Variants in CCDC12 observed in about 807,000 individuals in gnomAD.
CCDC12 encodes the protein coiled-coil domain containing 12, also known as coiled-coil domain-containing protein 12.
A neutral mutation model predicts 25.7 loss-of-function variants in CCDC12; 28 were observed. That is an observed-to-expected ratio of 1.09 (90% confidence interval 0.81 to 1.50). The LOEUF (loss-of-function observed/expected upper bound fraction) is 1.50, where lower values mean the gene tolerates loss of function less well. CCDC12 is among the 40% of genes most tolerant of loss of function. The probability of loss-of-function intolerance (pLI) is 0.00; values close to 1 mark genes in which losing one functional copy is unlikely to be tolerated. For missense variants in CCDC12, 198 were observed against 210.0 expected (o/e 0.94, Z 0.35); for synonymous variants, 75 against 87.7 (o/e 0.86, Z 0.81).
At chr3:46,968,501 A>G (rs1263301240) in intron 1 of CCDC12, among the ~76,000 whole-genome samples, 1 of 152,206 alleles carries the variant, frequency 6.6e-6, no homozygotes, top group Non-Finnish European at 1.5e-5. Context: ...CACTTCATAG[A>G]CAGCATCTTT....
chr3:46,971,853 C>G (rs1469936819), intron 1 of CCDC12, among the ~76,000 whole-genome samples: 1 of 152,174 alleles, frequency 6.6e-6, no homozygotes, highest in East Asian at 1.9e-4. Flanking sequence ...ATCCTGGTGT[C>G]TGTTGTCACA....
chr3:46,950,496 T>TTG (rs1559558482), intron 1 of CCDC12, among the ~76,000 whole-genome samples: 1 of 149,200 alleles, frequency 6.7e-6, no homozygotes, highest in East Asian at 2.0e-4. Flanking sequence ...TTTTTTTTTT[T>TTG]GGGGTAGAGA....
chr3:46,951,823 ACT>A (rs200140919), intron 1 of CCDC12, among the ~76,000 whole-genome samples: 3,034 of 38,274 alleles, frequency 0.079, 264 homozygotes, highest in Non-Finnish European at 0.13. Context: ...ATATATATAT[ACT>A]TAATGAGGAT....
intron 1 of CCDC12, among the ~76,000 whole-genome samples, chr3:46,943,979 G>A (rs568480664): frequency 2.1e-4 from 32 of 152,296 alleles, no homozygotes; most frequent in African/African-American, 6.5e-4. Context: ...GGGCATTCAC[G>A]GGAAGGAAAA....
upstream of CCDC12, among the ~76,000 whole-genome samples, chr3:46,977,471 CAA>C (rs61340798): frequency 8.3e-6 from 1 of 120,328 alleles, no homozygotes; most frequent in Non-Finnish European, 1.7e-5. Flanking sequence ...GACTCCGTCT[CAA>C]AAAAAAAAAA....
Position 46,930,892 on chromosome 3 carries a change from G to GTGGCCC in CCDC12, c.165-5363_165-5358dup, listed in dbSNP as rs372924344. ...CCACAGCAGGCCCCACTCCATGCACGTGGCCCTGTGTCGGCTGCATGTCTG... is the reference window on the plus strand; with the variant it reads ...CCACAGCAGGCCCCACTCCATGCACGTGGCCCTGGCCCTGTGTCGGCTGCATGTCTG... On this transcript the variant is annotated intron_variant, in intron 2 of 6. Transcript: ENST00000683445. 9.4e-3 allele frequency among the ~76,000 whole-genome samples: 1,432 copies of GTGGCCC among 152,248 alleles called. 6 individuals are homozygous for GTGGCCC. The highest frequency in any genetic ancestry group is 0.016 in the South Asian group (79 of 4,820).
intron 1 of CCDC12, among the ~76,000 whole-genome samples, chr3:46,967,065 C>A (rs544996887): frequency 6.6e-6 from 1 of 152,316 alleles, no homozygotes; most frequent in Admixed American, 6.5e-5. Context: ...AGCCCCAGGG[C>A]TTGATATCCT....
intron 1 of CCDC12, among the ~76,000 whole-genome samples, chr3:46,963,900 T>C (rs1412848524): frequency 6.6e-6 from 1 of 152,306 alleles, no homozygotes; most frequent in African/African-American, 2.4e-5. Context: ...GTGAGGAGCA[T>C]CTCTGCCTGG....
rs776606393 is a variant in CCDC12 at position 46,962,730 on chromosome 3, C to T, written c.96+13907G>A. On this transcript the variant is annotated intron_variant, in intron 1 of 6. Transcript: ENST00000683445. Reference sequence around the variant, plus strand: ...GCCTGGCTAACATGAAAAAAACTAACTATACCAAGTATTAGAGAGGAACCG... The same window carrying T: ...GCCTGGCTAACATGAAAAAAACTAATTATACCAAGTATTAGAGAGGAACCG... 8.5e-5 allele frequency among the ~76,000 whole-genome samples: 13 copies of T among 152,336 alleles called. No homozygotes were observed. The South Asian group carries it at 2.7e-3, about 32-fold the overall frequency.
chr3:46,931,953 C>T, intron 2 of CCDC12, among the ~76,000 whole-genome samples: 1 of 152,164 alleles, frequency 6.6e-6, no homozygotes, highest in South Asian at 2.1e-4. Context: ...CCTCTGTTTG[C>T]TTTAGGCTCT....
chr3:46,962,754 C>T (rs546705799), intron 1 of CCDC12, among the ~76,000 whole-genome samples: 60 of 152,246 alleles, frequency 3.9e-4, no homozygotes, highest in East Asian at 7.7e-4. Flanking sequence ...AGAGAGGAAC[C>T]GCCATACAGT....
chr3:46,934,489 G>A (rs888834844), intron 2 of CCDC12, among the ~76,000 whole-genome samples: 4 of 152,176 alleles, frequency 2.6e-5, no homozygotes, highest in Non-Finnish European at 5.9e-5. Flanking sequence ...ACCTATAAAT[G>A]CAGATCACAT....
In CCDC12 at chr3:46,940,981, C is replaced by T. The variant is rs762119237; in HGVS notation, c.164+17G>A. On this transcript the variant is annotated intron_variant, in intron 2 of 6. Coordinates refer to ENST00000683445, the MANE Select transcript of CCDC12 (RefSeq NM_001277074.2). ...CTGGAGGAGAGAGCAGACCCTGGAG[C>T]TGCACACGGGCATTACCTGTGCTTC... 1.9e-6 allele frequency: 3 copies of T among 1,613,260 alleles called. No homozygotes were observed. The highest frequency in any genetic ancestry group is 1.1e-5 in the South Asian group (1 of 91,068).
intron 1 of CCDC12, among the ~76,000 whole-genome samples, chr3:46,971,915 C>T (rs2034813870): frequency 6.6e-6 from 1 of 152,168 alleles, no homozygotes; most frequent in African/African-American, 2.4e-5. Flanking sequence ...AAGGAGGAGA[C>T]TCAAGGGGTT....
intron 5 of CCDC12, 92 bp from the exon 6 acceptor site, chr3:46,922,404 G>T: frequency 1.4e-6 from 2 of 1,426,244 alleles, no homozygotes; most frequent in Non-Finnish European, 2.0e-6. Context: ...CTGGCATTAG[G>T]AGTCATGCTC....
At chr3:46,927,597 T>C (rs1316947922) in intron 2 of CCDC12, among the ~76,000 whole-genome samples, 1 of 152,180 alleles carries the variant, frequency 6.6e-6, no homozygotes, top group African/African-American at 2.4e-5. Context: ...CACTGTGCCC[T>C]GCCACCCCCA....
intron 1 of CCDC12, among the ~76,000 whole-genome samples, chr3:46,957,996 C>CACACACATATAT (rs113627328): frequency 1.4e-5 from 2 of 142,582 alleles, no homozygotes; most frequent in Non-Finnish European, 3.0e-5. Context: ...CACACACACA[C>CACACACATATAT]ATATATATGT....
chr3:46,972,758 G>T (rs2034842162), intron 1 of CCDC12, among the ~76,000 whole-genome samples: 1 of 137,558 alleles, frequency 7.3e-6, no homozygotes, highest in African/African-American at 2.7e-5. Flanking sequence ...AACACAGTGA[G>T]ACTCCTGACT....
chr3:46,952,296 C>T (rs1297535775), intron 1 of CCDC12, among the ~76,000 whole-genome samples: 3 of 152,156 alleles, frequency 2.0e-5, no homozygotes, highest in African/African-American at 7.2e-5. Flanking sequence ...CCCACGTATT[C>T]GGTTATCACT....
Sources: allele counts gnomAD v4.1 joint callset (sites outside exome capture counted in the v4.1 genomes callset), GRCh38; gene constraint gnomAD v4.1.1; transcripts MANE v1.5; gene names NCBI Gene and HGNC (gene_info 2026-07-23, HGNC 2026-07-21).